ATP6V1C2: variants seen among roughly 807,000 people sequenced by gnomAD.
ATP6V1C2 encodes ATPase H+ transporting V1 subunit C2.
ATP6V1C2 carries 45 observed loss-of-function variants against 56.8 expected under a neutral mutation model. That is an observed-to-expected ratio of 0.79 (90% CI 0.62 to 1.02). The LOEUF (loss-of-function observed/expected upper bound fraction) is 1.02. Ranked by LOEUF, ATP6V1C2 falls within the 50% of genes least tolerant of loss-of-function variation. The pLI is 0.00. For missense variants in ATP6V1C2, 463 were observed against 519.7 expected (o/e 0.89, Z 1.06); for synonymous variants, 220 against 201.3 (o/e 1.09, Z -0.79).
chr2:10,777,759 C>T (rs1388725727), intron 11 of ATP6V1C2, 37 bp downstream of exon 11: 5 of 1,580,640 alleles, frequency 3.2e-6, no homozygotes, highest in African/African-American at 1.4e-5. Context: ...GTCCCTGGCT[C>T]ACATCTCCTC....
chr2:10,750,938 C>T (rs999200968), intron 3 of ATP6V1C2, among the ~76,000 whole-genome samples: 2 of 152,130 alleles, frequency 1.3e-5, no homozygotes, highest in African/African-American at 4.8e-5. Flanking sequence ...GTTGTTAGTG[C>T]TTGGTACATA....
intron 3 of ATP6V1C2, among the ~76,000 whole-genome samples, chr2:10,735,485 T>A (rs1003356279): frequency 6.6e-6 from 1 of 152,248 alleles, no homozygotes; most frequent in East Asian, 1.9e-4. Flanking sequence ...AGACATTTTT[T>A]AATTACCCAC....
chr2:10,777,752 C>T, intron 11 of ATP6V1C2, 30 bp downstream of exon 11: 9 of 1,586,858 alleles, frequency 5.7e-6, no homozygotes, highest in Non-Finnish European at 7.7e-6. Flanking sequence ...CCCCGGGGTC[C>T]CTGGCTCACA....
intron 4 of ATP6V1C2, among the ~76,000 whole-genome samples, chr2:10,758,914 G>A (rs920781143): frequency 1.3e-5 from 2 of 152,236 alleles, no homozygotes; most frequent in Admixed American, 6.5e-5. Context: ...TGATCCGCCC[G>A]TCTCAGTCTC....
chr2:10,785,102 T>A lies in ATP6V1C2; in HGVS notation c.*1839T>A. The A allele has an allele frequency of 3.9e-6, 4 of 1,038,606 alleles. No homozygotes were observed. Among genetic ancestry groups the A allele is most frequent in the Non-Finnish European group, 5.9e-6 (4 of 682,342 alleles). The allele number at this position is 1,038,606 out of a possible 1,614,324, so 64.3% of individuals were successfully genotyped here. A position where few individuals can be genotyped will look rare whatever the true frequency, so the allele number is the denominator to read the frequency against. ...GCTGGTGCAGAAGAATAAACAACTTTAAAAATAACAGTCTGCCTACTTTGT... is the reference window on the plus strand; with the variant it reads ...GCTGGTGCAGAAGAATAAACAACTTAAAAAATAACAGTCTGCCTACTTTGT... On this transcript the variant is annotated 3_prime_UTR_variant, in exon 14 of 14. Transcript: ENST00000272238.
intron 4 of ATP6V1C2, among the ~76,000 whole-genome samples, chr2:10,761,065 G>C (rs924245610): frequency 6.6e-6 from 1 of 152,230 alleles, no homozygotes; most frequent in Non-Finnish European, 1.5e-5. Flanking sequence ...ACAGCACAAG[G>C]AGTGGAGTTC....
intron 3 of ATP6V1C2, among the ~76,000 whole-genome samples, chr2:10,736,358 C>A (rs150130752): frequency 6.6e-6 from 1 of 152,222 alleles, no homozygotes; most frequent in Non-Finnish European, 1.5e-5. Context: ...TGTTAGTTTT[C>A]TCTTTGGAGG....
Position 10,760,474 on chromosome 2 carries a change from C to T in ATP6V1C2, c.284-3857C>T, listed in dbSNP as rs552408199. Reference sequence around the variant, plus strand: ...CAGGGAAGGGCTTGGATGCCTGACCCAGGGCAAGGCTCAGTGTACACAGTT... The same window carrying T: ...CAGGGAAGGGCTTGGATGCCTGACCTAGGGCAAGGCTCAGTGTACACAGTT... On this transcript the variant is annotated intron_variant, in intron 4 of 13. Transcript: ENST00000272238. Among the ~76,000 whole-genome samples the T allele has an allele frequency of 3.9e-5, 6 of 152,274 alleles. No homozygotes were observed. In the East Asian group the frequency reaches 1.2e-3, roughly 29 times the overall value.
intron 3 of ATP6V1C2, among the ~76,000 whole-genome samples, chr2:10,745,749 T>G (rs772515696): frequency 2.6e-5 from 4 of 152,146 alleles, no homozygotes; most frequent in Non-Finnish European, 4.4e-5. Context: ...GAACTGAAAC[T>G]GTATTCATTA....
At chr2:10,776,493 G>A (rs1300468243) in intron 10 of ATP6V1C2, among the ~76,000 whole-genome samples, 3 of 152,202 alleles carry the variant, frequency 2.0e-5, no homozygotes, top group Admixed American at 1.3e-4. Flanking sequence ...ACACCAGGCA[G>A]GAAAGATTTT....
intron 13 of ATP6V1C2, among the ~76,000 whole-genome samples, chr2:10,782,673 A>G (rs1236318313): frequency 6.6e-6 from 1 of 151,996 alleles, no homozygotes; most frequent in African/African-American, 2.4e-5. Context: ...TCTACTAAAA[A>G]TACAAAAATT....
At chr2:10,743,126 T>C (rs1662659310) in intron 3 of ATP6V1C2, among the ~76,000 whole-genome samples, 1 of 152,196 alleles carries the variant, frequency 6.6e-6, no homozygotes, top group Non-Finnish European at 1.5e-5. Context: ...GATTGACTTT[T>C]TGTTTTTTGA....
intron 12 of ATP6V1C2, among the ~76,000 whole-genome samples, chr2:10,779,686 A>G (rs10803728): frequency 0.37 from 47,365 of 126,338 alleles, 9,249 homozygotes; most frequent in Middle Eastern, 0.5. Flanking sequence ...CTCCGGCTAT[A>G]GAAAAAAAAA....
At chr2:10,758,892 C>A (rs987484072) in intron 4 of ATP6V1C2, among the ~76,000 whole-genome samples, 43 of 152,164 alleles carry the variant, frequency 2.8e-4, no homozygotes, top group African/African-American at 1.0e-3. Flanking sequence ...TGGTCTTGAT[C>A]TCTTGACCTT....
At chr2:10,756,907 A>G (rs2148465277) in intron 4 of ATP6V1C2, among the ~76,000 whole-genome samples, 1 of 151,494 alleles carries the variant, frequency 6.6e-6, no homozygotes, top group Non-Finnish European at 1.5e-5. Context: ...GAAGCAACGC[A>G]TGACTGTTTA....
intron 4 of ATP6V1C2, among the ~76,000 whole-genome samples, chr2:10,757,745 G>A (rs968225306): frequency 1.3e-5 from 2 of 152,186 alleles, no homozygotes; most frequent in Non-Finnish European, 2.9e-5. Flanking sequence ...GTCTCTTTCT[G>A]CATGTGGTCT....
intron 8 of ATP6V1C2, among the ~76,000 whole-genome samples, chr2:10,773,098 C>T (rs116143174): frequency 0.026 from 3,929 of 152,300 alleles, 63 homozygotes; most frequent in Middle Eastern, 0.045. Context: ...GACTGTCCAT[C>T]ACGGGACACT....
At chr2:10,737,372 G>T (rs1000726533) in intron 3 of ATP6V1C2, among the ~76,000 whole-genome samples, 1 of 150,732 alleles carries the variant, frequency 6.6e-6, no homozygotes, top group African/African-American at 2.4e-5. Flanking sequence ...GCAGTGAGCG[G>T]AGATCACGCC....
chr2:10,750,771 T>C (rs922652774), intron 3 of ATP6V1C2, among the ~76,000 whole-genome samples: 4 of 152,182 alleles, frequency 2.6e-5, no homozygotes, highest in African/African-American at 9.7e-5. Context: ...GATGTGGTGA[T>C]AGGAGACAGC....
Sources: gnomAD v4.1 joint callset for allele counts (sites outside exome capture counted in the v4.1 genomes callset) on GRCh38, gnomAD v4.1.1 for gene constraint, MANE v1.5 for transcripts, NCBI Gene and HGNC (gene_info 2026-07-23, HGNC 2026-07-21) for gene names.